Variants in SCN10A observed in about 807,000 individuals in gnomAD.
The protein encoded by SCN10A is sodium voltage-gated channel alpha subunit 10, also known as sodium channel protein type 10 subunit alpha.
Under a neutral mutation model 170.7 loss-of-function variants are expected in SCN10A, and 162 were observed. The ratio of observed to expected loss-of-function variants is 0.95; its 90% CI spans 0.84 to 1.08. The LOEUF (loss-of-function observed/expected upper bound fraction) is 1.08. Ranked by LOEUF, SCN10A falls within the 50% of genes least tolerant of loss-of-function variation. The probability of loss-of-function intolerance (pLI) is 0.00; values close to 1 mark genes in which losing one functional copy is unlikely to be tolerated. For missense variants in SCN10A, 2,527 were observed against 2,436.9 expected (o/e 1.04, Z -0.78); for synonymous variants, 985 against 904.6 (o/e 1.09, Z -1.59).
intron 4 of SCN10A, among the ~76,000 whole-genome samples, chr3:38,774,227 T>C (rs1468072253): frequency 6.6e-6 from 1 of 152,212 alleles, no homozygotes; most frequent in African/African-American, 2.4e-5. Context: ...CCACACTCTT[T>C]ATGTTTTCTA....
At chr3:38,704,172 G>A (rs996872109) in intron 26 of SCN10A, among the ~76,000 whole-genome samples, 1 of 152,196 alleles carries the variant, frequency 6.6e-6, no homozygotes, top group Non-Finnish European at 1.5e-5. Flanking sequence ...GTGCTGTGAT[G>A]AGGCTGATCC....
intron 13 of SCN10A, among the ~76,000 whole-genome samples, chr3:38,745,488 C>A (rs72866278): frequency 0.09 from 13,693 of 151,992 alleles, 1,090 homozygotes; most frequent in African/African-American, 0.2. Context: ...ACAAAAACTC[C>A]CCCAAACACA....
chr3:38,734,455 T>G (rs2063540105), intron 15 of SCN10A, among the ~76,000 whole-genome samples: 1 of 152,234 alleles, frequency 6.6e-6, no homozygotes, highest in Non-Finnish European at 1.5e-5. Context: ...AAGCAAATTT[T>G]TAGCAAACTA....
At chr3:38,704,447 A>T (rs2063188751) in intron 26 of SCN10A, among the ~76,000 whole-genome samples, 1 of 152,210 alleles carries the variant, frequency 6.6e-6, no homozygotes, top group Non-Finnish European at 1.5e-5. Context: ...TGCCCTGGAT[A>T]TTCTGACTTT....
chr3:38,712,151 G>A lies in SCN10A; in HGVS notation c.4089+10C>T. The A allele has an allele frequency of 6.2e-7, 1 of 1,613,154 alleles. No individual in the cohort carries two copies. Among genetic ancestry groups the A allele is most frequent in the Non-Finnish European group, 8.5e-7 (1 of 1,179,212 alleles). On this transcript the variant is annotated intron_variant, in intron 23 of 27. Transcript: ENST00000449082. ...AGCAAGAGATATGGTTGATCTCATGGTTGACTCACCACCTGCAGAAGTGCA... is the reference window on the plus strand; with the variant it reads ...AGCAAGAGATATGGTTGATCTCATGATTGACTCACCACCTGCAGAAGTGCA...
At chr3:38,720,494 A>G (rs2063378903) in intron 20 of SCN10A, among the ~76,000 whole-genome samples, 1 of 152,114 alleles carries the variant, frequency 6.6e-6, no homozygotes. Context: ...TATAATTTCC[A>G]AGTATTTTTT....
intron 15 of SCN10A, among the ~76,000 whole-genome samples, chr3:38,732,891 G>A (rs751166640): frequency 2.6e-5 from 4 of 152,152 alleles, no homozygotes; most frequent in Non-Finnish European, 5.9e-5. Context: ...TGACGATTTA[G>A]GGAACTGTAC....
intron 13 of SCN10A, among the ~76,000 whole-genome samples, chr3:38,746,514 G>T (rs1371323281): frequency 2.0e-5 from 3 of 151,882 alleles, no homozygotes; most frequent in Non-Finnish European, 4.4e-5. Flanking sequence ...TTTATAAAAT[G>T]CAAATGTAAC....
rs921491588 is a variant in SCN10A, at chr3:38,742,342, C to G, written c.2055G>C (p.Glu685Asp). The G allele has an allele frequency of 3.7e-6, 6 of 1,613,994 alleles. No individual in the cohort carries two copies. The Admixed American group carries it at 5.0e-5, about 13-fold the overall frequency. The change falls in exon 14 of 28, where the codon GAG (glutamate) becomes GAC (aspartate). Residue 685 changes from glutamate (E) to aspartate (D), a missense_variant. Coordinates refer to ENST00000449082, the MANE Select transcript of SCN10A (RefSeq NM_006514.4). ...IVVNTIFMAM[E>D]HHGMSPTFEA... ...CGAAGGTAGGGCTCATGCCATGGTG[C>G]TCCATGGCCATGAAGATGGTGTTCA... is the stretch of plus-strand genomic sequence containing the variant.
rs549341906 is a variant in SCN10A at position 38,795,063 on chromosome 3, C to T, written c.-32-1021G>A. 3.4e-4 allele frequency among the ~76,000 whole-genome samples: 52 copies of T among 152,198 alleles called. 1 individual carries two copies. In the South Asian group the frequency reaches 0.011, roughly 31 times the overall value. On this transcript the variant is annotated intron_variant, in intron 1 of 27. Coordinates refer to ENST00000449082, the MANE Select transcript of SCN10A (RefSeq NM_006514.4). ...TCTCTCCTTGTCTGCCAGCTCTTTC[C>T]TATCAGCATTTAAAGATGCTTAACT...
At chr3:38,805,349 G>T (rs2064398799) in intron 1 of SCN10A, among the ~76,000 whole-genome samples, 1 of 152,070 alleles carries the variant, frequency 6.6e-6, no homozygotes, top group Non-Finnish European at 1.5e-5. Flanking sequence ...GTGTGATTAG[G>T]TTCTCTAATA....
chr3:38,711,629 G>A (rs1366245996), intron 23 of SCN10A, among the ~76,000 whole-genome samples: 2 of 152,192 alleles, frequency 1.3e-5, no homozygotes, highest in African/African-American at 4.8e-5. Flanking sequence ...GTAACTGCAT[G>A]ACAAATGTAT....
chr3:38,698,291 G>A lies in SCN10A; in HGVS notation c.4929C>T (p.Asn1643=). Residue 1643 remains asparagine (N), a synonymous_variant, in exon 28 of 28, where the codon AAC becomes AAT. Coordinates refer to ENST00000449082, the MANE Select transcript of SCN10A (RefSeq NM_006514.4). ...GCATGCTGTTGGCGAAGGTCTGGAAGTTGAACATGTCGTCGATGCCAGCCT... is the reference window on the plus strand; with the variant it reads ...GCATGCTGTTGGCGAAGGTCTGGAAATTGAACATGTCGTCGATGCCAGCCT... ...RWEAGIDDMF[N]FQTFANSMLC... is the part of the protein sequence containing the mutation. 2 of 1,614,174 alleles carry A rather than the reference G, an allele frequency of 1.2e-6. No homozygotes were observed. Among genetic ancestry groups the A allele is most frequent in the Non-Finnish European group, 1.7e-6 (2 of 1,180,022 alleles).
intron 21 of SCN10A, 73 bp from the exon 22 acceptor site, chr3:38,714,153 C>A: frequency 1.3e-6 from 2 of 1,577,318 alleles, no homozygotes; most frequent in Non-Finnish European, 8.7e-7. Flanking sequence ...GAGACAGGAA[C>A]TCCCTGCCCA....
At chr3:38,795,596 A>G (rs969772757) in intron 1 of SCN10A, among the ~76,000 whole-genome samples, 17 of 151,774 alleles carry the variant, frequency 1.1e-4, no homozygotes, top group Non-Finnish European at 2.2e-4. Context: ...GGCTGTTTTG[A>G]CAATTTCCTC....
intron 4 of SCN10A, among the ~76,000 whole-genome samples, chr3:38,785,954 A>G (rs985111865): frequency 1.3e-5 from 2 of 152,064 alleles, no homozygotes; most frequent in Admixed American, 1.3e-4. Context: ...GTTAGAATGG[A>G]GATCATTAAA....
intron 15 of SCN10A, among the ~76,000 whole-genome samples, chr3:38,737,852 T>G (rs2063586946): frequency 6.7e-6 from 1 of 149,900 alleles, no homozygotes; most frequent in Non-Finnish European, 1.5e-5. Flanking sequence ...TTTCTTTCTT[T>G]CTCTTTTTCT....
rs1463569172 is a variant in SCN10A at position 38,761,328 on chromosome 3, C to T, written c.747G>A (p.Val249=). 1.2e-6 allele frequency: 2 copies of T among 1,613,744 alleles called. No homozygotes were observed. Among genetic ancestry groups the T allele is most frequent in the African/African-American group, 2.7e-5 (2 of 74,898 alleles). The change falls in exon 7 of 28, where the codon GTG becomes GTA. Residue 249 remains valine, a synonymous_variant. Coordinates refer to ENST00000449082, the MANE Select transcript of SCN10A (RefSeq NM_006514.4). ...LIHSVKKLAD[V]TILTIFCLSV... ...TTAGGCAGAAGATGGTGAGGATGGT[C>T]ACATCAGCCAGTTTCTTCACTGAGT...
At chr3:38,781,961 T>G (rs1197624652) in intron 4 of SCN10A, among the ~76,000 whole-genome samples, 1 of 152,058 alleles carries the variant, frequency 6.6e-6, no homozygotes, top group African/African-American at 2.4e-5. Context: ...AAAAACTTAT[T>G]ATAAATTTAT....
Sources: gnomAD v4.1 joint callset for allele counts (sites outside exome capture counted in the v4.1 genomes callset) on GRCh38, gnomAD v4.1.1 for gene constraint, MANE v1.5 for transcripts, NCBI Gene and HGNC (gene_info 2026-07-23, HGNC 2026-07-21) for gene names.